CHD7: variants seen among roughly 807,000 people sequenced by gnomAD.
The protein encoded by CHD7 is ATP-dependent chromatin remodeler CHD7.
Under a neutral mutation model 307.3 loss-of-function variants are expected in CHD7, and 24 were observed. The ratio of observed to expected loss-of-function variants is 0.08; its 90% confidence interval spans 0.06 to 0.11. The LOEUF is 0.11. Ranked by LOEUF, CHD7 falls within the 10% of genes least tolerant of loss-of-function variation. The probability of loss-of-function intolerance (pLI) is 1.00; values close to 1 mark genes in which losing one functional copy is unlikely to be tolerated. For synonymous variants in CHD7, 1,363 were observed against 1,349.9 expected, an observed-to-expected ratio of 1.01 and a Z score of -0.21; for missense variants, 3,106 against 3,727.1, an observed-to-expected ratio of 0.83 and a Z score of 4.34.
intron 1 of CHD7, among the ~76,000 whole-genome samples, chr8:60,693,333 C>G (rs1806295311): frequency 6.6e-6 from 1 of 152,222 alleles, no homozygotes; most frequent in South Asian, 2.1e-4. Flanking sequence ...TGGAACAAGT[C>G]CCTGTCTGTC....
intron 13 of CHD7, among the ~76,000 whole-genome samples, chr8:60,827,300 G>T (rs1445792195): frequency 6.6e-6 from 1 of 151,188 alleles, no homozygotes; most frequent in African/African-American, 2.4e-5. Context: ...AGTTTATTTT[G>T]AAATTAATAA....
At chr8:60,710,902 A>G (rs1807254386) in intron 1 of CHD7, among the ~76,000 whole-genome samples, 1 of 152,242 alleles carries the variant, frequency 6.6e-6, no homozygotes, top group South Asian at 2.1e-4. Context: ...ATGCACAGGA[A>G]ACTATTGAGT....
intron 4 of CHD7, 96 bp downstream of exon 4, chr8:60,795,223 G>C (rs1811964957): frequency 8.5e-7 from 1 of 1,180,392 alleles, no homozygotes; most frequent in Non-Finnish European, 1.2e-6. Flanking sequence ...TCTTGTTATA[G>C]AGATGCTCTT....
rs1806179701 is a variant in CHD7, at chr8:60,865,133, G to A, written c.8194G>A (p.Ala2732Thr). 2 of 1,611,490 alleles carry A rather than the reference G, an allele frequency of 1.2e-6. No individual in the cohort carries two copies. Among genetic ancestry groups the A allele is most frequent in the African/African-American group, 1.3e-5 (1 of 75,026 alleles). ...KSEIARAAAA[A>T]AAVASTSGIN... is the part of the protein sequence containing the mutation. ...TGAGATCGCCAGAGCAGCCGCGGCCGCCGCTGCTGTGGCCTCCACGTCAGG... is the reference window on the plus strand; with the variant it reads ...TGAGATCGCCAGAGCAGCCGCGGCCACCGCTGCTGTGGCCTCCACGTCAGG... The change falls in exon 38 of 38, where the codon GCC (alanine) becomes ACC (threonine). Residue 2732 changes from alanine (A) to threonine (T), a missense_variant. By Grantham distance (58) the Ala-to-Thr change is moderately conservative (BLOSUM62 0). This residue lies in a region of CHD7 where 351 missense variants were observed against 366.2 expected (regional missense o/e 0.96). Coordinates refer to ENST00000423902, the MANE Select transcript of CHD7 (RefSeq NM_017780.4). This position sits in a 1 kb window ranked among gnomAD's most constrained non-coding sequence, Gnocchi z 4.3.
chr8:60,819,138 A>T (rs1803899159), intron 8 of CHD7, among the ~76,000 whole-genome samples: 1 of 152,094 alleles, frequency 6.6e-6, no homozygotes, highest in South Asian at 2.1e-4. Context: ...TATTTTTAGT[A>T]GAGACGGGGT....
chr8:60,844,835 C>T (rs757778981), intron 21 of CHD7, 29 bp from the exon 22 acceptor site: 1 of 1,548,288 alleles, frequency 6.5e-7, no homozygotes, highest in Non-Finnish European at 8.7e-7. Flanking sequence ...CTCACAGGCA[C>T]CTCTGCATGC....
At position 60,797,282 on chromosome 8, in the gene CHD7, T is replaced by C. The variant is rs890751974; in HGVS notation, c.2238+2155T>C. Among the ~76,000 whole-genome samples, 4 of 152,360 alleles carry C rather than the reference T, an allele frequency of 2.6e-5. No individual in the cohort carries two copies. The East Asian group carries it at 5.8e-4, about 22-fold the overall frequency. ...AGCCACGTAACATTAAAAATTTTTA[T>C]CAAATTGAGTTATAATTGTATTTTG... On this transcript the variant is annotated intron_variant, in intron 4 of 37. Transcript: ENST00000423902.
At chr8:60,840,064 A>C (rs1804903313) in intron 19 of CHD7, among the ~76,000 whole-genome samples, 2 of 152,224 alleles carry the variant, frequency 1.3e-5, no homozygotes, top group Non-Finnish European at 2.9e-5. Context: ...TTCAGTTAGC[A>C]TAATGTTATT....
In CHD7 at chr8:60,867,317, A is replaced by T. The variant is rs1416296382; in HGVS notation, c.*1384A>T. The T allele has an allele frequency of 6.6e-6, 1 of 152,256 alleles. No homozygotes were observed. Among genetic ancestry groups the T allele is most frequent in the Non-Finnish European group, 1.5e-5 (1 of 68,044 alleles). 9.4% of individuals were successfully genotyped at this position (152,256 alleles called of 1,614,324 possible). A position where few individuals can be genotyped will look rare whatever the true frequency, so the allele number is the denominator to read the frequency against. On this transcript the variant is annotated 3_prime_UTR_variant, in exon 38 of 38. Coordinates refer to ENST00000423902, the MANE Select transcript of CHD7 (RefSeq NM_017780.4). ...TAGAAAAACACAATGCGGTAGTGTCAGCAAGGGACACAAAGGCACTCTGGT... is the reference window on the plus strand; with the variant it reads ...TAGAAAAACACAATGCGGTAGTGTCTGCAAGGGACACAAAGGCACTCTGGT...
Position 60,852,648 on chromosome 8 carries a change from C to T in CHD7, c.6045C>T (p.Phe2015=). The T allele has an allele frequency of 6.2e-7, 1 of 1,613,910 alleles. No individual in the cohort carries two copies. The highest frequency in any genetic ancestry group is 1.1e-5 in the South Asian group (1 of 91,070). ...KKSDESLEKY[F]SCFVAMCRRV... ...CTGATGAGAGTTTGGAGAAATACTTCAGTTGTTTTGTGGCCATGTGTAGGC... is the reference window on the plus strand; with the variant it reads ...CTGATGAGAGTTTGGAGAAATACTTTAGTTGTTTTGTGGCCATGTGTAGGC... Residue 2015 remains phenylalanine, a synonymous_variant, in exon 30 of 38, where the codon TTC becomes TTT. Coordinates refer to ENST00000423902, the MANE Select transcript of CHD7 (RefSeq NM_017780.4).
At position 60,846,901 on chromosome 8, in the gene CHD7, C is replaced by T. The variant is rs567775330; in HGVS notation, c.5210+1492C>T. ...CCTCAGCTTGGAAGTCTTCCCTGCT[C>T]CTTGGGGCTGTGGTGAGGCTCTGAG... On this transcript the variant is annotated intron_variant, in intron 23 of 37. Transcript: ENST00000423902. Among the ~76,000 whole-genome samples the T allele has an allele frequency of 2.2e-3, 333 of 152,302 alleles. 2 individuals are homozygous for T. Among genetic ancestry groups the T allele is most frequent in the African/African-American group, 7.8e-3 (323 of 41,566 alleles).
intron 1 of CHD7, among the ~76,000 whole-genome samples, chr8:60,688,688 G>C (rs1339861555): frequency 6.6e-6 from 1 of 152,234 alleles, no homozygotes; most frequent in Admixed American, 6.5e-5. Context: ...TCCTACCAGA[G>C]TTATGGCTGT....
intron 37 of CHD7, chr8:60,863,200 G>A (rs1806084929): frequency 1.3e-5 from 2 of 152,400 alleles, no homozygotes; most frequent in Non-Finnish European, 2.9e-5. Flanking sequence ...GTCAGAATAG[G>A]GTTCCATCCC....
intron 1 of CHD7, among the ~76,000 whole-genome samples, chr8:60,681,620 A>T (rs1446144815): frequency 7.2e-5 from 11 of 152,220 alleles, no homozygotes; most frequent in Non-Finnish European, 1.5e-5. Flanking sequence ...TTTAGAAGCT[A>T]AATTTTCTTA....
intron 2 of CHD7, among the ~76,000 whole-genome samples, chr8:60,745,239 T>G (rs1374061480): frequency 6.6e-6 from 1 of 152,204 alleles, no homozygotes; most frequent in Non-Finnish European, 1.5e-5. Context: ...GCAAGGGATA[T>G]TTTAGAGCAG....
At position 60,837,717 on chromosome 8, in the gene CHD7, A is replaced by G. The variant is rs879034549; in HGVS notation, c.4235A>G (p.Tyr1412Cys). Residue 1412 changes from tyrosine to cysteine, a missense_variant, in exon 18 of 38, where the codon TAC (tyrosine) becomes TGC (cysteine). Transcript: ENST00000423902. ...GGACAGAGCAAATCTGTGAAAATCT[A>G]CAGGCTGATTACAAGAAATTCCTAT... Reference protein sequence around the residue: ...RIGQSKSVKIYRLITRNSYER... With the variant: ...RIGQSKSVKICRLITRNSYER... 1.9e-6 allele frequency: 3 copies of G among 1,601,268 alleles called. No individual in the cohort carries two copies. The highest frequency in any genetic ancestry group is 2.6e-6 in the Non-Finnish European group (3 of 1,173,234).
At chr8:60,706,314 A>G (rs1398054676) in intron 1 of CHD7, among the ~76,000 whole-genome samples, 1 of 152,238 alleles carries the variant, frequency 6.6e-6, no homozygotes, top group African/African-American at 2.4e-5. Context: ...GTAGTTAGGA[A>G]TAATTTCATA....
chr8:60,745,654 C>T (rs1431444141), intron 2 of CHD7, among the ~76,000 whole-genome samples: 1 of 152,208 alleles, frequency 6.6e-6, no homozygotes, highest in Non-Finnish European at 1.5e-5. Flanking sequence ...TTCTGCTTAA[C>T]TTTGCATCCT....
chr8:60,736,357 T>A (rs1259944017), intron 1 of CHD7, among the ~76,000 whole-genome samples: 1 of 152,156 alleles, frequency 6.6e-6, no homozygotes, highest in African/African-American at 2.4e-5. Context: ...GACTTTCACT[T>A]TGAGTGGAAG....
Sources: gnomAD v4.1 joint callset for allele counts (sites outside exome capture counted in the v4.1 genomes callset) on GRCh38, gnomAD v4.1.1 for gene constraint, gnomAD v4.1.1 regional missense constraint, Gnocchi (gnomAD v3.1) non-coding constraint, MANE v1.5 for transcripts, NCBI Gene and HGNC (gene_info 2026-07-23, HGNC 2026-07-21) for gene names.